ANKRD33B: variants seen among roughly 807,000 people sequenced by gnomAD.
The protein encoded by ANKRD33B is ankyrin repeat domain 33B.
ANKRD33B carries 6 observed loss-of-function variants against 21.5 expected under a neutral mutation model. The observed-to-expected ratio is 0.28, with a 90% confidence interval of 0.15 to 0.55. The LOEUF (loss-of-function observed/expected upper bound fraction) is 0.55. Ranked by LOEUF, ANKRD33B falls within the 20% of genes least tolerant of loss-of-function variation. The probability of loss-of-function intolerance (pLI) is 0.94; values close to 1 mark genes in which losing one functional copy is unlikely to be tolerated. For missense variants in ANKRD33B, 698 were observed against 747.2 expected, an observed-to-expected ratio of 0.93 and a Z score of 0.77; for synonymous variants, 347 against 342.4, an observed-to-expected ratio of 1.01 and a Z score of -0.15.
Position 10,613,281 on chromosome 5 carries a change from ATTT to A in ANKRD33B, c.367-5033_367-5031del, listed in dbSNP as rs10572843. ...ATTGTAAAACTATTTCTTAATGAGGATTTTTTTTTTTTTTTTTTTTTGAGATAG... is the reference window on the plus strand; with the variant it reads ...ATTGTAAAACTATTTCTTAATGAGGATTTTTTTTTTTTTTTTTTGAGATAG... On this transcript the variant is annotated intron_variant, in intron 1 of 3. Transcript: ENST00000296657. Among the ~76,000 whole-genome samples the A allele has an allele frequency of 2.8e-4, 37 of 131,710 alleles. 2 individuals carry two copies. The highest frequency in any genetic ancestry group is 8.1e-4 in the African/African-American group (29 of 35,626). 86.4% of individuals were successfully genotyped at this position (131,710 alleles called of 152,430 possible).
chr5:10,618,375 G>A lies in ANKRD33B; in HGVS notation c.409G>A (p.Val137Met), dbSNP rs1231471846. The A allele has an allele frequency of 5.2e-6, 8 of 1,537,664 alleles. No individual in the cohort carries two copies. Among genetic ancestry groups the A allele is most frequent in the Admixed American group, 3.9e-5 (2 of 50,994 alleles). Residue 137 changes from valine (V) to methionine (M), a missense_variant, in exon 2 of 4, where the codon GTG becomes ATG. Around this residue, in one of 3 missense-constraint regions of ANKRD33B, gnomAD observed 543 missense variants for 566.5 expected, o/e 0.96. Transcript: ENST00000296657. Reference sequence around the variant, plus strand: ...CTGCTACCACGGCTTTGTGGATACCGTGGTGGCCTTAGCAGAGTGCCCCCA... The same window carrying A: ...CTGCTACCACGGCTTTGTGGATACCATGGTGGCCTTAGCAGAGTGCCCCCA... Reference protein sequence around the residue: ...VACYHGFVDTVVALAECPHVD... With the variant: ...VACYHGFVDTMVALAECPHVD...
chr5:10,640,967 C>T (rs1737039313), intron 3 of ANKRD33B, among the ~76,000 whole-genome samples: 1 of 152,230 alleles, frequency 6.6e-6, no homozygotes, highest in Admixed American at 6.5e-5. Flanking sequence ...GCACAGCCCT[C>T]ATGATCTAAT....
At chr5:10,575,603 T>C (rs1735304040) in intron 1 of ANKRD33B, among the ~76,000 whole-genome samples, 2 of 152,124 alleles carry the variant, frequency 1.3e-5, no homozygotes, top group Non-Finnish European at 2.9e-5. Flanking sequence ...TCCCAGAGCA[T>C]GGCTAACACC....
chr5:10,646,920 C>A (rs905608464), intron 3 of ANKRD33B, among the ~76,000 whole-genome samples: 1 of 152,202 alleles, frequency 6.6e-6, no homozygotes, highest in African/African-American at 2.4e-5. Context: ...GCTGGGGACC[C>A]GACCTTCCTC....
intron 1 of ANKRD33B, among the ~76,000 whole-genome samples, chr5:10,592,450 TAA>T (rs35660672): frequency 0.45 from 30,884 of 68,344 alleles, 6,398 homozygotes; most frequent in East Asian, 0.59. Context: ...CCATCTCTAC[TAA>T]AAAAAAAAAA....
intron 3 of ANKRD33B, among the ~76,000 whole-genome samples, chr5:10,643,751 C>T (rs1440938936): frequency 1.4e-5 from 2 of 139,152 alleles, no homozygotes; most frequent in African/African-American, 5.3e-5. Flanking sequence ...ACCTAGGAGG[C>T]GGAGGTTGCA....
At chr5:10,645,452 A>ATT (rs144912327) in intron 3 of ANKRD33B, among the ~76,000 whole-genome samples, 20 of 151,862 alleles carry the variant, frequency 1.3e-4, no homozygotes, top group Admixed American at 1.0e-3. Context: ...GAAAGTATAG[A>ATT]TTTTTTTTTC....
At chr5:10,572,992 G>A (rs1158300783) in intron 1 of ANKRD33B, among the ~76,000 whole-genome samples, 7 of 152,150 alleles carry the variant, frequency 4.6e-5, no homozygotes, top group Non-Finnish European at 5.9e-5. Context: ...GGAAGCATAC[G>A]TCGTTATTTC....
At chr5:10,598,765 T>G (rs1265238232) in intron 1 of ANKRD33B, among the ~76,000 whole-genome samples, 1 of 152,154 alleles carries the variant, frequency 6.6e-6, no homozygotes, top group Non-Finnish European at 1.5e-5. Context: ...TTAATAATAC[T>G]TGGTTAGCCA....
chr5:10,625,586 C>T (rs1736527411), intron 2 of ANKRD33B, among the ~76,000 whole-genome samples: 1 of 152,230 alleles, frequency 6.6e-6, no homozygotes, highest in Non-Finnish European at 1.5e-5. Context: ...TGCCCGGTTC[C>T]CCACCAAGAC....
intron 2 of ANKRD33B, among the ~76,000 whole-genome samples, chr5:10,631,625 A>G (rs1477239495): frequency 1.3e-5 from 2 of 152,246 alleles, no homozygotes; most frequent in African/African-American, 4.8e-5. Flanking sequence ...ATGCTGAAGG[A>G]GGTGGCTCAA....
chr5:10,640,996 C>T (rs1737040625), intron 3 of ANKRD33B, among the ~76,000 whole-genome samples: 1 of 152,188 alleles, frequency 6.6e-6, no homozygotes, highest in African/African-American at 2.4e-5. Flanking sequence ...AAAGGCCTCA[C>T]CTCTTAATAC....
At chr5:10,623,456 A>C (rs1351084759) in intron 2 of ANKRD33B, among the ~76,000 whole-genome samples, 1 of 152,176 alleles carries the variant, frequency 6.6e-6, no homozygotes, top group African/African-American at 2.4e-5. Flanking sequence ...GCTGTGATAA[A>C]GGAAATAAGC....
At chr5:10,615,379 C>T (rs1354542745) in intron 1 of ANKRD33B, among the ~76,000 whole-genome samples, 1 of 152,202 alleles carries the variant, frequency 6.6e-6, no homozygotes, top group Admixed American at 6.5e-5. Flanking sequence ...AGCCTTAGCT[C>T]TAGGGCTTTT....
chr5:10,574,365 G>A (rs1032927275), intron 1 of ANKRD33B, among the ~76,000 whole-genome samples: 4 of 152,024 alleles, frequency 2.6e-5, no homozygotes, highest in African/African-American at 9.7e-5. Context: ...TCAAAAAAAT[G>A]GTGTCATAAA....
chr5:10,598,989 T>C (rs1033490797), intron 1 of ANKRD33B, among the ~76,000 whole-genome samples: 7 of 152,360 alleles, frequency 4.6e-5, no homozygotes, highest in East Asian at 3.9e-4. Flanking sequence ...TATATACACC[T>C]GTGCAGTCAT....
At chr5:10,636,457 AT>A (rs34572739) in intron 2 of ANKRD33B, among the ~76,000 whole-genome samples, 6 of 151,544 alleles carry the variant, frequency 4.0e-5, no homozygotes, top group African/African-American at 1.5e-4. Flanking sequence ...ACAAAAAAAA[AT>A]TTTTTTTAAT....
rs1161977762 is a variant in ANKRD33B at position 10,656,066 on chromosome 5, T to G, written c.*5953T>G. The G allele has an allele frequency of 1.3e-5, 2 of 152,088 alleles. No individual in the cohort carries two copies. Among genetic ancestry groups the G allele is most frequent in the Non-Finnish European group, 2.9e-5 (2 of 67,964 alleles). The allele number at this position is 152,088 out of a possible 1,614,324, so 9.4% of individuals were successfully genotyped here. Reference sequence around the variant, plus strand: ...AAGCAGTTCCTCTCAAGACACTGCTTGCATCTTCCCTCCACGCCTCTCGGT... The same window carrying G: ...AAGCAGTTCCTCTCAAGACACTGCTGGCATCTTCCCTCCACGCCTCTCGGT... On this transcript the variant is annotated 3_prime_UTR_variant, in exon 4 of 4. Transcript: ENST00000296657.
At chr5:10,637,425 G>GAGACACACAC (rs1275126479) in intron 2 of ANKRD33B, among the ~76,000 whole-genome samples, 149 of 100,388 alleles carry the variant, frequency 1.5e-3, no homozygotes, top group African/African-American at 6.0e-3. Flanking sequence ...TAGGTAGTTA[G>GAGACACACAC]ACACACACAC....
Sources: gnomAD v4.1 joint callset for allele counts (sites outside exome capture counted in the v4.1 genomes callset) on GRCh38, gnomAD v4.1.1 for gene constraint, gnomAD v4.1.1 regional missense constraint, MANE v1.5 for transcripts, NCBI Gene and HGNC (gene_info 2026-07-23, HGNC 2026-07-21) for gene names.